The following RLIM variants were observed in gnomAD, a reference collection of about 807,000 sequenced individuals.
RLIM encodes ring finger protein, LIM domain interacting.
A neutral mutation model predicts 34.0 loss-of-function variants in RLIM; 2 were observed. That is an observed-to-expected ratio of 0.06 (90% confidence interval 0.02 to 0.19). The LOEUF (loss-of-function observed/expected upper bound fraction) is 0.19, where lower values mean the gene tolerates loss of function less well. Ranked by LOEUF, RLIM falls within the 10% of genes least tolerant of loss-of-function variation. The probability of loss-of-function intolerance (pLI) is 1.00; values close to 1 mark genes in which losing one functional copy is unlikely to be tolerated. For synonymous variants in RLIM, 169 were observed against 164.0 expected (o/e 1.03, Z -0.23); for missense variants, 286 against 479.7 (o/e 0.60, Z 3.77).
chrX:74,602,025 A>G (rs1468865805), intron 1 of RLIM, among the ~76,000 whole-genome samples: 1 of 111,965 alleles, frequency 8.9e-6, no homozygotes, highest in Non-Finnish European at 1.9e-5. Flanking sequence ...AGCCCTGTAA[A>G]CTTTAGCATT....
chrX:74,604,995 C>T (rs774830154), intron 1 of RLIM, among the ~76,000 whole-genome samples: 2 of 111,225 alleles, frequency 1.8e-5, no homozygotes, highest in South Asian at 7.5e-4. Context: ...TCCATCCTTT[C>T]TGCCTTAACT....
At chrX:74,599,353 G>C (rs1329014421) in intron 1 of RLIM, among the ~76,000 whole-genome samples, 2 of 111,578 alleles carry the variant, frequency 1.8e-5, no homozygotes, top group African/African-American at 6.5e-5. Flanking sequence ...AAAATACAGG[G>C]AGACTACAAA....
rs148686769 is a variant in RLIM, at chrX:74,607,600, T to C, written c.-24+6822A>G. On this transcript the variant is annotated intron_variant, in intron 1 of 3. Transcript: ENST00000332687. The stretch of plus-strand genomic sequence containing the variant: ...GGCAGGTGCCTGTAATCCCAGCTAC[T>C]CAGGAGGCTGAGGTGGGAGAATTGC... Among the ~76,000 whole-genome samples, 476 of 112,807 alleles carry C rather than the reference T, an allele frequency of 4.2e-3. 4 individuals are homozygous for C. Among genetic ancestry groups the C allele is most frequent in the African/African-American group, 0.014 (445 of 31,095 alleles).
At position 74,595,958 on chromosome X, in the gene RLIM, T is replaced by C. The variant is rs761656538; in HGVS notation, c.20A>G (p.Asn7Ser). The change falls in exon 2 of 4, where the codon AAT becomes AGT. Residue 7 changes from asparagine (N) to serine (S), a missense_variant. Physicochemically the swap from Asn to Ser is conservative, Grantham distance 46. Around this residue, in one of 6 missense-constraint regions of RLIM, gnomAD observed 62 missense variants for 71.3 expected, o/e 0.87. Coordinates refer to ENST00000332687, the MANE Select transcript of RLIM (RefSeq NM_016120.4). ...AGACTGATCACCACTTCCTTTGTCATTGGAATCTGAGTTTTCCATATTGAT... is the reference window on the plus strand; with the variant it reads ...AGACTGATCACCACTTCCTTTGTCACTGGAATCTGAGTTTTCCATATTGAT... MENSDS[N>S]DKGSGDQSAA... 1.7e-6 allele frequency: 2 copies of C among 1,188,479 alleles called. No individual in the cohort carries two copies. The highest frequency in any genetic ancestry group is 3.9e-5 in the South Asian group (2 of 51,946).
intron 1 of RLIM, among the ~76,000 whole-genome samples, chrX:74,609,932 TC>T (rs1428275371): frequency 8.9e-6 from 1 of 112,117 alleles, no homozygotes; most frequent in Non-Finnish European, 1.9e-5. Flanking sequence ...ACTTCCTTTC[TC>T]CCAGGAAGTA....
chrX:74,594,858 C>T (rs1043123823), intron 2 of RLIM, among the ~76,000 whole-genome samples: 5 of 101,231 alleles, frequency 4.9e-5, no homozygotes, highest in Non-Finnish European at 9.9e-5. Flanking sequence ...GAGACTGCAC[C>T]ACTGCACTCC....
intron 1 of RLIM, among the ~76,000 whole-genome samples, chrX:74,612,233 C>A (rs2079714860): frequency 1.8e-5 from 2 of 111,949 alleles, no homozygotes; most frequent in African/African-American, 6.5e-5. Context: ...TTTAGTTATC[C>A]AATGAACATT....
chrX:74,604,083 C>G (rs977202667), intron 1 of RLIM, among the ~76,000 whole-genome samples: 2 of 106,079 alleles, frequency 1.9e-5, no homozygotes, highest in Non-Finnish European at 3.9e-5. Context: ...CCACTGCACT[C>G]CAGCCTGGGC....
At chrX:74,602,497 C>T (rs923742880) in intron 1 of RLIM, among the ~76,000 whole-genome samples, 1 of 111,242 alleles carries the variant, frequency 9.0e-6, no homozygotes, top group Non-Finnish European at 1.9e-5. Flanking sequence ...TTTGGGATGC[C>T]GAGTTGGGCG....
At chrX:74,605,344 A>C (rs930085203) in intron 1 of RLIM, among the ~76,000 whole-genome samples, 2 of 112,487 alleles carry the variant, frequency 1.8e-5, no homozygotes, top group African/African-American at 6.5e-5. Context: ...TACTAAGTGC[A>C]AACAAACATT....
chrX:74,607,386 ATT>A (rs1422108613), intron 1 of RLIM, among the ~76,000 whole-genome samples: 2 of 112,802 alleles, frequency 1.8e-5, no homozygotes, highest in African/African-American at 6.4e-5. Flanking sequence ...AGGGCAATCC[ATT>A]TTGTTTGCAA....
At chrX:74,607,318 T>C (rs1256189134) in intron 1 of RLIM, among the ~76,000 whole-genome samples, 4 of 112,294 alleles carry the variant, frequency 3.6e-5, no homozygotes, top group Non-Finnish European at 5.6e-5. Flanking sequence ...AAGCAGGACA[T>C]GCCAATTTTT....
In RLIM at chrX:74,586,113, C is replaced by T. The variant is rs939632095; in HGVS notation, c.*5327G>A. On this transcript the variant is annotated 3_prime_UTR_variant, in exon 4 of 4. Transcript: ENST00000332687. ...CACAGATACATCACCAGGCCAACTG[C>T]GTACCTACTCAACTTGATACCTGAT... is the stretch of plus-strand genomic sequence containing the variant. 2.7e-5 allele frequency: 3 copies of T among 111,973 alleles called. No individual in the cohort carries two copies. The highest frequency in any genetic ancestry group is 5.6e-5 in the Non-Finnish European group (3 of 53,247). 9.2% of individuals were successfully genotyped at this position (111,973 alleles called of 1,213,427 possible).
chrX:74,603,638 CA>C (rs889892888), intron 1 of RLIM, among the ~76,000 whole-genome samples: 27 of 111,525 alleles, frequency 2.4e-4, no homozygotes, highest in Non-Finnish European at 4.1e-4. Flanking sequence ...GAAAGAAATC[CA>C]ATGTGAACAC....
At position 74,591,950 on chromosome X, in the gene RLIM, A is replaced by G; in HGVS notation, c.1365T>C (p.Ser455=). The change falls in exon 4 of 4, where the codon TCT becomes TCC. Residue 455 remains serine, a synonymous_variant. Coordinates refer to ENST00000332687, the MANE Select transcript of RLIM (RefSeq NM_016120.4). ...GRGGSGGGSS[S]GSSSSSSSSS... ...TGGAACTGGAACTCGAACTGGAACC[A>G]GAACTACTACCACCACCAGAACCTC... The G allele has an allele frequency of 8.3e-7, 1 of 1,211,705 alleles. No individual in the cohort carries two copies. Among genetic ancestry groups the G allele is most frequent in the Non-Finnish European group, 1.1e-6 (1 of 895,236 alleles).
chrX:74,600,051 C>A (rs761581699), intron 1 of RLIM, among the ~76,000 whole-genome samples: 13 of 110,562 alleles, frequency 1.2e-4, no homozygotes, highest in Non-Finnish European at 2.5e-4. Flanking sequence ...TTCCTTAGAT[C>A]ATTATTTTTA....
rs1424656644 is a variant in RLIM, at chrX:74,594,318, C to G, written c.241G>C (p.Asp81His). The G allele has an allele frequency of 8.3e-7, 1 of 1,205,982 alleles. No individual in the cohort carries two copies. The highest frequency in any genetic ancestry group is 2.2e-5 in the Admixed American group (1 of 44,979). ...IKEGPPPQNS[D>H]ENRGGDSSDD... is the part of the protein sequence containing the mutation. Reference sequence around the variant, plus strand: ...AACCAAAACATACCTCTATTTTCATCTGAGTTTTGCGGTGGTGGGCCTTCT... The same window carrying G: ...AACCAAAACATACCTCTATTTTCATGTGAGTTTTGCGGTGGTGGGCCTTCT... The change falls in exon 3 of 4, where the codon GAT becomes CAT. Residue 81 changes from aspartate to histidine, a missense_variant. Transcript: ENST00000332687.
At chrX:74,613,491 T>C (rs946714131) in intron 1 of RLIM, among the ~76,000 whole-genome samples, 1 of 110,660 alleles carries the variant, frequency 9.0e-6, no homozygotes, top group Non-Finnish European at 1.9e-5. Flanking sequence ...GGAAGGAACG[T>C]GGCTGTCTCC....
Position 74,586,873 on chromosome X carries a change from T to C in RLIM, c.*4567A>G, listed in dbSNP as rs1235701781. The stretch of plus-strand genomic sequence containing the variant: ...CTTTGGGAGAATGAGGCAGGCAAAT[T>C]GCCTGAGCCCAGGAGTTCAAGAACA... On this transcript the variant is annotated 3_prime_UTR_variant, in exon 4 of 4. Transcript: ENST00000332687. 1 of 111,883 alleles carries C rather than the reference T, an allele frequency of 8.9e-6. No homozygotes were observed. The highest frequency in any genetic ancestry group is 1.9e-5 in the Non-Finnish European group (1 of 53,213). 9.2% of individuals were successfully genotyped at this position (111,883 alleles called of 1,213,427 possible).
Sources: gnomAD v4.1 joint callset for allele counts (sites outside exome capture counted in the v4.1 genomes callset) on GRCh38, gnomAD v4.1.1 for gene constraint, gnomAD v4.1.1 regional missense constraint, MANE v1.5 for transcripts, NCBI Gene and HGNC (gene_info 2026-07-23, HGNC 2026-07-21) for gene names.